Variants in RTEL1 observed in about 807,000 individuals in gnomAD.
RTEL1 encodes the protein regulator of telomere elongation helicase 1, also known as regulator of telomere length.
In RTEL1, 86 loss-of-function variants were observed where a neutral mutation model predicts 162.2. That is an observed-to-expected ratio of 0.53 (90% CI 0.45 to 0.63). The LOEUF is 0.63. Ranked by LOEUF, RTEL1 falls within the 30% of genes least tolerant of loss-of-function variation. RTEL1 has a pLI of 0.00. For missense variants in RTEL1, 1,941 were observed against 1,750.2 expected (o/e 1.11, Z -1.95); for synonymous variants, 958 against 717.9 (o/e 1.33, Z -5.35).
chr20:63,688,716 G>C, intron 21 of RTEL1, 111 bp downstream of exon 21: 1 of 961,522 alleles, frequency 1.0e-6, no homozygotes. Context: ...GGCGGCTCCC[G>C]CTGCCTCTTC....
In RTEL1 at chr20:63,688,386, G is replaced by C; in HGVS notation, c.1722G>C (p.Arg574=). 1 of 1,612,586 alleles carries C rather than the reference G, an allele frequency of 6.2e-7. No individual in the cohort carries two copies. Among genetic ancestry groups the C allele is most frequent in the Non-Finnish European group, 8.5e-7 (1 of 1,179,914 alleles). Residue 574 remains arginine, a splice_region_variant and synonymous_variant, in exon 20 of 35, where the codon CGG becomes CGC. Transcript: ENST00000360203. The stretch of plus-strand genomic sequence containing the variant: ...TGGAGAAGAGCCTGGAGTTCTGGCG[G>C]GTGCGTCTCCCCTGTGTTCTGGGCG... ...PVMEKSLEFW[R]ARDLARKMEA... is the part of the protein sequence containing the mutation.
intron 28 of RTEL1, 125 bp from the exon 29 acceptor site, chr20:63,692,680 G>C (rs1230647523): frequency 3.2e-6 from 3 of 934,912 alleles, no homozygotes; most frequent in Non-Finnish European, 4.8e-6. Flanking sequence ...CAGTTTCTCA[G>C]GCAGCAGCCC....
At chr20:63,690,754 C>A (rs1378759309) in intron 26 of RTEL1, 51 bp from the exon 27 acceptor site, 4 of 1,544,222 alleles carry the variant, frequency 2.6e-6, no homozygotes, top group African/African-American at 2.7e-5. Context: ...AGGCAGGGAC[C>A]CCAGCTGGGG....
At chr20:63,694,627 C>G in intron 31 of RTEL1, 114 bp from the exon 32 acceptor site, 1 of 1,217,150 alleles carries the variant, frequency 8.2e-7, no homozygotes, top group Non-Finnish European at 1.1e-6. Flanking sequence ...GTTCTGCACC[C>G]CGCAGTTGTC....
chr20:63,680,685 C>T lies in RTEL1; in HGVS notation c.1157C>T (p.Thr386Met), dbSNP rs371141081. Residue 386 changes from threonine (T) to methionine (M), a missense_variant, in exon 14 of 35, where the codon ACG becomes ATG. Transcript: ENST00000360203. ...CCAGGTGCTGGAGTGTTCACCAACA[C>T]GGCCGGACTGCAGAAGCTGGCGGAC... ...LAGRAGVFTNTAGLQKLADII... is the reference protein window; with the variant it reads ...LAGRAGVFTNMAGLQKLADII... 13 of 1,613,180 alleles carry T rather than the reference C, an allele frequency of 8.1e-6. No individual in the cohort carries two copies. Among genetic ancestry groups the T allele is most frequent in the South Asian group, 2.2e-5 (2 of 91,082 alleles).
chr20:63,662,445 C>T (rs539333247), intron 4 of RTEL1, 101 bp from the exon 5 acceptor site: 22 of 1,570,170 alleles, frequency 1.4e-5, no homozygotes, highest in Middle Eastern at 1.7e-4. Flanking sequence ...TTCCTCTGAC[C>T]GCCGAGGCTC....
intron 9 of RTEL1, 116 bp downstream of exon 9, chr20:63,672,737 G>A: frequency 1.2e-6 from 1 of 825,246 alleles, no homozygotes; most frequent in South Asian, 1.5e-5. Context: ...AGGTGCCCAG[G>A]ACTGGGGACT....
rs752626736 is a variant in RTEL1, at chr20:63,690,168, C to T, written c.2223C>T (p.Val741=). 8.1e-6 allele frequency: 13 copies of T among 1,612,466 alleles called. No individual in the cohort carries two copies. Among genetic ancestry groups the T allele is most frequent in the Non-Finnish European group, 1.1e-5 (13 of 1,179,844 alleles). The change falls in exon 25 of 35, where the codon GTC becomes GTT. Residue 741 remains valine, a synonymous_variant. Coordinates refer to ENST00000360203, the MANE Select transcript of RTEL1 (RefSeq NM_001283009.2). The part of the protein sequence containing the change: ...HVRVYDNFGH[V]IRDVAQFFRV... ...GGGTGTATGACAACTTTGGCCATGT[C>T]ATCCGAGACGTGGCCCAGTTCTTCC... is the stretch of plus-strand genomic sequence containing the variant.
rs764719355 is a variant in RTEL1, at chr20:63,690,914, C to T, written c.2523C>T (p.Ser841=). The change falls in exon 27 of 35, where the codon AGC becomes AGT. Residue 841 remains serine, a synonymous_variant. Transcript: ENST00000360203. ...PRGLLAALEH[S]EQRAGSPGEE... ...GGCTGCTGGCCGCCCTGGAGCACAGCGAACAGCGGGCGGGGAGCCCTGGCG... is the reference window on the plus strand; with the variant it reads ...GGCTGCTGGCCGCCCTGGAGCACAGTGAACAGCGGGCGGGGAGCCCTGGCG... 2.9e-4 allele frequency: 462 copies of T among 1,568,572 alleles called. No homozygotes were observed. The highest frequency in any genetic ancestry group is 3.6e-4 in the Non-Finnish European group (412 of 1,157,456).
At position 63,694,457 on chromosome 20, in the gene RTEL1, G is replaced by T. The variant is rs2090915065; in HGVS notation, c.3078G>T (p.Arg1026Ser). Residue 1026 changes from arginine (R) to serine (S), a missense_variant, in exon 31 of 35, where the codon AGG (arginine) becomes AGT (serine). By Grantham distance (110) the Arg-to-Ser change is moderately radical (BLOSUM62 -1). Coordinates refer to ENST00000360203, the MANE Select transcript of RTEL1 (RefSeq NM_001283009.2). ...LDPQEHLNQG[R>S]PHLSPRPPPT... is the part of the protein sequence containing the mutation. ...CCCAAGAGCACCTGAACCAGGGCAG[G>T]CCCCACCTGTCGCCCAGGCCACCCC... 5 of 1,606,014 alleles carry T rather than the reference G, an allele frequency of 3.1e-6. No homozygotes were observed. In the East Asian group the frequency reaches 6.7e-5, roughly 22 times the overall value.
At position 63,668,650 on chromosome 20, in the gene RTEL1, A is replaced by G. The variant is rs560991067; in HGVS notation, c.699+1097A>G. On this transcript the variant is annotated intron_variant, in intron 8 of 34. Transcript: ENST00000360203. The surrounding 1 kb of genome is among the most constrained non-coding windows in gnomAD (Gnocchi z 4.3). ...TCCTGGGAAGCTGTAGCAGAACCCC[A>G]CAGAGAGCTGGTGAGGTTTGCCGTG... Among the ~76,000 whole-genome samples, 37 of 152,034 alleles carry G rather than the reference A, an allele frequency of 2.4e-4. No individual in the cohort carries two copies. The highest frequency in any genetic ancestry group is 8.2e-4 in the African/African-American group (34 of 41,466).
intron 14 of RTEL1, chr20:63,682,435 A>G (rs2090496897): frequency 4.1e-6 from 4 of 985,312 alleles, no homozygotes; most frequent in Admixed American, 6.2e-5. Context: ...AAGTCTCCAC[A>G]CTCTGGAACC....
intron 27 of RTEL1, 34 bp from the exon 28 acceptor site, chr20:63,691,708 G>A (rs751455729): frequency 1.3e-6 from 2 of 1,577,492 alleles, no homozygotes; most frequent in Non-Finnish European, 1.7e-6. Context: ...TGTGGTTGGG[G>A]TCTGTGTGTG....
chr20:63,681,695 G>A (rs1240838064), intron 14 of RTEL1: 2 of 985,232 alleles, frequency 2.0e-6, no homozygotes, highest in Non-Finnish European at 2.4e-6. Context: ...CGAGACCTGG[G>A]CAGGGACCAG....
chr20:63,689,464 C>T (rs749732593), intron 22 of RTEL1, 38 bp from the exon 23 acceptor site: 6 of 1,491,498 alleles, frequency 4.0e-6, no homozygotes, highest in African/African-American at 1.4e-5. Flanking sequence ...GGAGAGGAGC[C>T]CCCACGGCCC....
Position 63,695,353 on chromosome 20 carries a change from G to A in RTEL1, c.3525G>A (p.Gly1175=), listed in dbSNP as rs2090951473. Residue 1175 remains glycine, a synonymous_variant, in exon 34 of 35, where the codon GGG becomes GGA. Transcript: ENST00000360203. ...GCCCCTCACGGTCCGAGAAGACCGG[G>A]AAGACCCAGAGCAAGATCTCGTCCT... ...QPGPSRSEKT[G]KTQSKISSFL... 1 of 1,550,718 alleles carries A rather than the reference G, an allele frequency of 6.4e-7. No homozygotes were observed. The highest frequency in any genetic ancestry group is 1.4e-5 in the African/African-American group (1 of 73,150).
chr20:63,695,718 A>C, intron 34 of RTEL1, 60 bp from the exon 35 acceptor site: 1 of 1,603,618 alleles, frequency 6.2e-7, no homozygotes, highest in East Asian at 2.2e-5. Flanking sequence ...GGGAAAGGGC[A>C]GGCCCTTGTC....
Position 63,689,117 on chromosome 20 carries a change from G to A in RTEL1, c.1863G>A (p.Ala621=), listed in dbSNP as rs553627522. The A allele has an allele frequency of 3.6e-5, 58 of 1,609,540 alleles. 1 individual carries two copies. In the Middle Eastern group the frequency reaches 3.1e-3, roughly 87 times the overall value. The part of the protein sequence containing the change: ...APGSTGATFL[A]VCRGKASEGL... ...GGTCCACCGGCGCCACCTTCCTGGC[G>A]GTCTGCCGGGGCAAGGTGAGCTCTC... Residue 621 remains alanine (A), a synonymous_variant, in exon 22 of 35, where the codon GCG becomes GCA. Transcript: ENST00000360203.
In RTEL1 at chr20:63,692,870, G is replaced by T. The variant is rs765888621; in HGVS notation, c.2718G>T (p.Glu906Asp). 5.0e-6 allele frequency: 8 copies of T among 1,612,660 alleles called. No individual in the cohort carries two copies. Among genetic ancestry groups the T allele is most frequent in the Middle Eastern group, 3.3e-4 (2 of 6,056 alleles). ...AKLFMVAVKQELSQANFATFT... is the reference protein window; with the variant it reads ...AKLFMVAVKQDLSQANFATFT... ...TCTTCATGGTGGCCGTGAAGCAGGAGTTGAGCCAAGCCAACTTTGCCACCT... is the reference window on the plus strand; with the variant it reads ...TCTTCATGGTGGCCGTGAAGCAGGATTTGAGCCAAGCCAACTTTGCCACCT... Residue 906 changes from glutamate (E) to aspartate (D), a missense_variant, in exon 29 of 35, where the codon GAG becomes GAT. Transcript: ENST00000360203.
Sources: allele counts gnomAD v4.1 joint callset (sites outside exome capture counted in the v4.1 genomes callset), GRCh38; gene constraint gnomAD v4.1.1; non-coding constraint Gnocchi (gnomAD v3.1); transcripts MANE v1.5; gene names NCBI Gene and HGNC (gene_info 2026-07-23, HGNC 2026-07-21).